Variants in MARCHF1 observed in about 807,000 individuals in gnomAD.
The protein encoded by MARCHF1 is membrane associated ring-CH-type finger 1, also known as E3 ubiquitin-protein ligase MARCHF1.
A neutral mutation model predicts 54.2 loss-of-function variants in MARCHF1; 40 were observed. The ratio of observed to expected loss-of-function variants is 0.74; its 90% CI spans 0.57 to 0.96. The LOEUF is 0.96. MARCHF1 is among the 40% of genes least tolerant of loss of function. MARCHF1 has a pLI of 0.00. For synonymous variants in MARCHF1, 236 were observed against 236.3 expected (o/e 1.00, Z 0.01); for missense variants, 586 against 656.5 (o/e 0.89, Z 1.17).
chr4:163,979,836 G>A lies in MARCHF1; in HGVS notation c.-39+8665C>T, dbSNP rs376732290. ...AAATGTCTTCTTTTGAGAAGTGTCT[G>A]TTCATGTCCTTCACCCACTTTTTGA... On this transcript the variant is annotated intron_variant, in intron 3 of 9. Transcript: ENST00000514618. 2.0e-4 allele frequency among the ~76,000 whole-genome samples: 30 copies of A among 152,100 alleles called. No individual in the cohort carries two copies. The East Asian group carries it at 5.2e-3, about 27-fold the overall frequency.
At chr4:163,754,570 T>C (rs558896689) in intron 4 of MARCHF1, among the ~76,000 whole-genome samples, 118 of 152,220 alleles carry the variant, frequency 7.8e-4, no homozygotes, top group Non-Finnish European at 1.5e-3. Context: ...CTCAGATTAC[T>C]GGTTGCATTC....
chr4:163,802,214 C>T (rs1315507801), intron 4 of MARCHF1, among the ~76,000 whole-genome samples: 3 of 152,082 alleles, frequency 2.0e-5, no homozygotes, highest in African/African-American at 7.2e-5. Context: ...AACGCACCCT[C>T]AACATGCCAG....
At chr4:164,128,979 A>G (rs1455415347) in intron 1 of MARCHF1, among the ~76,000 whole-genome samples, 1 of 152,006 alleles carries the variant, frequency 6.6e-6, no homozygotes, top group African/African-American at 2.4e-5. Flanking sequence ...AGCAGCTCCA[A>G]CTCCCTTCCC....
intron 1 of MARCHF1, among the ~76,000 whole-genome samples, chr4:164,323,755 T>A (rs1226500320): frequency 6.6e-6 from 1 of 151,642 alleles, no homozygotes; most frequent in African/African-American, 2.4e-5. Context: ...ATAACATACT[T>A]CTTAGCAACA....
intron 4 of MARCHF1, among the ~76,000 whole-genome samples, chr4:163,751,293 G>A (rs1240357783): frequency 2.0e-5 from 3 of 151,892 alleles, no homozygotes; most frequent in Admixed American, 6.6e-5. Flanking sequence ...TTAGTATCCC[G>A]AGTAGCTGGG....
At chr4:163,737,160 CTTTCTTTTTTT>C (rs1335806549) in intron 4 of MARCHF1, among the ~76,000 whole-genome samples, 4 of 41,018 alleles carry the variant, frequency 9.8e-5, no homozygotes, top group African/African-American at 4.9e-4. Flanking sequence ...CAGCTTTTTT[CTTTCTTTTTTT>C]TTTTTTTTTT....
intron 1 of MARCHF1, among the ~76,000 whole-genome samples, chr4:164,367,462 T>A (rs1463625399): frequency 6.6e-6 from 1 of 152,082 alleles, no homozygotes; most frequent in African/African-American, 2.4e-5. Flanking sequence ...AAAATGTTAA[T>A]TGGATGAAAT....
intron 5 of MARCHF1, among the ~76,000 whole-genome samples, chr4:163,626,611 T>G (rs190275504): frequency 5.9e-5 from 9 of 152,280 alleles, no homozygotes; most frequent in African/African-American, 1.7e-4. Context: ...GTTTGAGAAT[T>G]AGGTATTAAA....
chr4:163,567,252 C>T lies in MARCHF1; in HGVS notation c.1191+18497G>A, dbSNP rs151237370. ...TAATTCTATATTAAAAAAAAAGAAC[C>T]CATCTTTATGCCAATGACATCTAGC... On this transcript the variant is annotated intron_variant, in intron 8 of 9. Coordinates refer to ENST00000514618, the MANE Select transcript of MARCHF1 (RefSeq NM_001394959.1). Among the ~76,000 whole-genome samples the T allele has an allele frequency of 7.4e-4, 113 of 151,896 alleles. 2 individuals are homozygous for T. The East Asian group carries it at 0.012, about 16-fold the overall frequency.
intron 5 of MARCHF1, 80 bp from the exon 6 acceptor site, chr4:163,613,473 A>T: frequency 1.9e-6 from 3 of 1,612,354 alleles, no homozygotes; most frequent in Middle Eastern, 3.3e-4. Context: ...CCACATATTT[A>T]AAAAATTACA....
intron 3 of MARCHF1, among the ~76,000 whole-genome samples, chr4:163,902,188 T>C (rs1750956593): frequency 6.6e-6 from 1 of 152,204 alleles, no homozygotes; most frequent in African/African-American, 2.4e-5. Context: ...CAGATCACCA[T>C]AGCTAATGTC....
At chr4:163,780,623 A>G (rs201121809) in intron 4 of MARCHF1, among the ~76,000 whole-genome samples, 2 of 5,534 alleles carry the variant, frequency 3.6e-4, no homozygotes, top group Non-Finnish European at 1.8e-3. Flanking sequence ...TTATGGCTTT[A>G]TTTTACCAGG....
At chr4:163,596,608 A>G (rs1172284583) in intron 7 of MARCHF1, among the ~76,000 whole-genome samples, 1 of 151,540 alleles carries the variant, frequency 6.6e-6, no homozygotes, top group African/African-American at 2.4e-5. Flanking sequence ...TTGTCCCCAC[A>G]ATTACCACTT....
chr4:163,911,018 A>C (rs1751177787), intron 3 of MARCHF1, among the ~76,000 whole-genome samples: 1 of 152,180 alleles, frequency 6.6e-6, no homozygotes, highest in South Asian at 2.1e-4. Flanking sequence ...CTGTGGGGGA[A>C]AATGTCATTT....
At chr4:163,602,647 A>T (rs1054496315) in intron 7 of MARCHF1, among the ~76,000 whole-genome samples, 1 of 152,158 alleles carries the variant, frequency 6.6e-6, no homozygotes, top group African/African-American at 2.4e-5. Context: ...CAAAAACATA[A>T]GAGAATAAAT....
chr4:164,021,531 C>G lies in MARCHF1; in HGVS notation c.-247-32822G>C, dbSNP rs140678512. ...TCAAGTCTAATTTTTCTTTTCTGAG[C>G]TTTGCTTTTTGTATTATATCCCAAA... On this transcript the variant is annotated intron_variant, in intron 2 of 9. Transcript: ENST00000514618. Among the ~76,000 whole-genome samples, 1,486 of 152,116 alleles carry G rather than the reference C, an allele frequency of 9.8e-3. 17 individuals are homozygous for G. Among genetic ancestry groups the G allele is most frequent in the African/African-American group, 0.033 (1,362 of 41,478 alleles).
At chr4:164,212,976 G>A (rs1052166225) in intron 1 of MARCHF1, among the ~76,000 whole-genome samples, 4 of 152,028 alleles carry the variant, frequency 2.6e-5, no homozygotes, top group Non-Finnish European at 2.9e-5. Flanking sequence ...TTTTAAATCA[G>A]TGTTTTGAAA....
In MARCHF1 at chr4:164,081,156, C is replaced by T. The variant is rs1414206805; in HGVS notation, c.-248+30432G>A. 2.4e-5 allele frequency among the ~76,000 whole-genome samples: 3 copies of T among 125,378 alleles called. No individual in the cohort carries two copies. In the Admixed American group the frequency reaches 2.8e-4, roughly 12 times the overall value. 82.3% of individuals were successfully genotyped at this position (125,378 alleles called of 152,430 possible). A position where few individuals can be genotyped will look rare whatever the true frequency, so the allele number is the denominator to read the frequency against. ...CCAGGAGGCGGAGCTTGCAGTGAGC[C>T]GAGATCGCGCCACTGCACTCCAGCC... On this transcript the variant is annotated intron_variant, in intron 2 of 9. Coordinates refer to ENST00000514618, the MANE Select transcript of MARCHF1 (RefSeq NM_001394959.1).
At chr4:163,869,221 C>T (rs1000100503) in intron 3 of MARCHF1, among the ~76,000 whole-genome samples, 2 of 151,832 alleles carry the variant, frequency 1.3e-5, no homozygotes, top group African/African-American at 4.8e-5. Context: ...GCTTTATTTC[C>T]CCAAGCATAA....
Sources: allele counts gnomAD v4.1 joint callset (sites outside exome capture counted in the v4.1 genomes callset), GRCh38; gene constraint gnomAD v4.1.1; transcripts MANE v1.5; gene names NCBI Gene and HGNC (gene_info 2026-07-23, HGNC 2026-07-21).